SPAG9: variants seen among roughly 807,000 people sequenced by gnomAD.
SPAG9 encodes the protein sperm associated antigen 9.
In SPAG9, 35 loss-of-function variants were observed where a neutral mutation model predicts 166.5. That is an observed-to-expected ratio of 0.21 (90% CI 0.16 to 0.28). SPAG9 has a LOEUF of 0.28. Among genes scored for constraint, SPAG9 ranks in the 10% least tolerant of loss-of-function variants. The probability of loss-of-function intolerance (pLI) is 1.00; values close to 1 mark genes in which losing one functional copy is unlikely to be tolerated. For synonymous variants in SPAG9, 534 were observed against 565.5 expected (o/e 0.94, Z 0.79); for missense variants, 1,235 against 1,603.3 (o/e 0.77, Z 3.92).
At chr17:50,983,622 A>G (rs980618287) in intron 24 of SPAG9, among the ~76,000 whole-genome samples, 1 of 152,198 alleles carries the variant, frequency 6.6e-6, no homozygotes, top group Non-Finnish European at 1.5e-5. Context: ...TTACATTGAC[A>G]CTTACTAAAT....
chr17:51,112,671 C>CAACAAA (rs2049148907), intron 1 of SPAG9, among the ~76,000 whole-genome samples: 1 of 41,400 alleles, frequency 2.4e-5, no homozygotes, highest in South Asian at 1.4e-3. Context: ...TCTGTCTCAA[C>CAACAAA]AAAAAAAAAA....
chr17:51,050,977 G>T (rs2047163906), intron 3 of SPAG9, among the ~76,000 whole-genome samples: 1 of 149,888 alleles, frequency 6.7e-6, no homozygotes, highest in Admixed American at 6.7e-5. Context: ...ACGAAGGGAG[G>T]GAGGAAAGGG....
chr17:51,072,875 C>T (rs969130461), intron 2 of SPAG9, among the ~76,000 whole-genome samples: 1 of 152,114 alleles, frequency 6.6e-6, no homozygotes, highest in Non-Finnish European at 1.5e-5. Flanking sequence ...AAGATTACTT[C>T]CTACATCACC....
intron 1 of SPAG9, among the ~76,000 whole-genome samples, chr17:51,091,359 G>C (rs1382918462): frequency 7.9e-5 from 12 of 151,790 alleles, no homozygotes; most frequent in African/African-American, 2.9e-4. Context: ...TTGCTTGCCA[G>C]TGGCATGACT....
At chr17:51,001,866 CAT>C (rs1567984206) in intron 12 of SPAG9, 21 bp from the exon 13 acceptor site, 1 of 1,606,092 alleles carries the variant, frequency 6.2e-7, no homozygotes, top group Non-Finnish European at 8.5e-7. Flanking sequence ...AAGAAAATGA[CAT>C]ATCATTCTGG....
At chr17:51,092,159 A>G (rs1450142856) in intron 1 of SPAG9, among the ~76,000 whole-genome samples, 1 of 152,074 alleles carries the variant, frequency 6.6e-6, no homozygotes, top group African/African-American at 2.4e-5. Context: ...AAGATATTAT[A>G]TTAATTAGTT....
At chr17:51,105,219 G>A (rs374904904) in intron 1 of SPAG9, among the ~76,000 whole-genome samples, 87 of 152,290 alleles carry the variant, frequency 5.7e-4, no homozygotes, top group African/African-American at 2.0e-3. Context: ...TAGAAAGAAA[G>A]CCCAGGAGCA....
intron 2 of SPAG9, among the ~76,000 whole-genome samples, chr17:51,067,262 C>T (rs907111216): frequency 3.3e-5 from 5 of 152,088 alleles, no homozygotes; most frequent in African/African-American, 1.2e-4. Flanking sequence ...TTACTCAAGG[C>T]CTAAGTCCCA....
rs891333429 is a variant in SPAG9 at position 51,120,746 on chromosome 17, C to G, written c.-90G>C. 11 of 1,220,046 alleles carry G rather than the reference C, an allele frequency of 9.0e-6. No individual in the cohort carries two copies. The Admixed American group carries it at 2.7e-4, about 30-fold the overall frequency. The allele number at this position is 1,220,046 out of a possible 1,614,324, so 75.6% of individuals were successfully genotyped here. On this transcript the variant is annotated 5_prime_UTR_variant, in exon 1 of 30. Transcript: ENST00000262013. This position sits in a 1 kb window ranked among gnomAD's most constrained non-coding sequence, Gnocchi z 4.7. ...GGGACGGACCCGACTCGGGCTGGGA[C>G]GGGTACTAGGGCTGGAGCCCGGGCC...
At chr17:51,019,428 G>A (rs2045842516) in intron 8 of SPAG9, among the ~76,000 whole-genome samples, 1 of 151,888 alleles carries the variant, frequency 6.6e-6, no homozygotes, top group Non-Finnish European at 1.5e-5. Context: ...ATGGTGGTGG[G>A]TGCCTGTAAT....
chr17:51,112,370 C>CAAA lies in SPAG9; in HGVS notation c.303+7981_303+7983dup, dbSNP rs767699831. ...GCAACACAGTGTGACCCCATCTCTA[C>CAAA]AAAAAAAAAAAAAAAAAAAAGGCCA... On this transcript the variant is annotated intron_variant, in intron 1 of 29. Coordinates refer to ENST00000262013, the MANE Select transcript of SPAG9 (RefSeq NM_001130528.3). Among the ~76,000 whole-genome samples the CAAA allele has an allele frequency of 1.2e-3, 45 of 38,550 alleles. 1 individual carries two copies. The highest frequency in any genetic ancestry group is 4.9e-3 in the East Asian group (7 of 1,438). The allele number at this position is 38,550 out of a possible 152,430, so 25.3% of individuals were successfully genotyped here.
chr17:50,988,145 G>C (rs1975219009), intron 21 of SPAG9, among the ~76,000 whole-genome samples: 2 of 152,216 alleles, frequency 1.3e-5, no homozygotes, highest in South Asian at 4.1e-4. Flanking sequence ...GAACCTGGAA[G>C]GCGGAGGTTG....
rs1729066465 is a variant in SPAG9, at chr17:51,120,718, C to A, written c.-62G>T. ...CCGGCAGAGGGGCGGCACCTGCCCG[C>A]ACGGGACGGACCCGACTCGGGCTGG... On this transcript the variant is annotated 5_prime_UTR_variant, in exon 1 of 30. Coordinates refer to ENST00000262013, the MANE Select transcript of SPAG9 (RefSeq NM_001130528.3). This position sits in a 1 kb window ranked among gnomAD's most constrained non-coding sequence, Gnocchi z 4.7. 2.1e-6 allele frequency: 3 copies of A among 1,432,768 alleles called. No homozygotes were observed. The allele number at this position is 1,432,768 out of a possible 1,614,324, so 88.8% of individuals were successfully genotyped here. A position where few individuals can be genotyped will look rare whatever the true frequency, so the allele number is the denominator to read the frequency against.
chr17:51,019,273 A>G (rs2318384), intron 8 of SPAG9, among the ~76,000 whole-genome samples: 10,796 of 152,186 alleles, frequency 0.071, 410 homozygotes, highest in Non-Finnish European at 0.089. Context: ...TTCTTTATAA[A>G]TTGGCCAGGT....
rs561853317 is a variant in SPAG9, at chr17:51,058,106, C to T, written c.425-1624G>A. ...GAATCATTATTTTCTTGATAATGTG[C>T]AACAAAAACAAAAATTGGATGCTGA... On this transcript the variant is annotated intron_variant, in intron 2 of 29. Transcript: ENST00000262013. Among the ~76,000 whole-genome samples the T allele has an allele frequency of 2.0e-5, 3 of 152,218 alleles. No homozygotes were observed. The South Asian group carries it at 6.2e-4, about 32-fold the overall frequency.
intron 1 of SPAG9, among the ~76,000 whole-genome samples, chr17:51,095,745 GAT>G (rs903026168): frequency 1.2e-4 from 17 of 145,922 alleles, no homozygotes; most frequent in South Asian, 4.3e-4. Context: ...TACATATAGT[GAT>G]ATATATATAG....
chr17:50,963,226 A>C lies in SPAG9; in HGVS notation c.*3046T>G, dbSNP rs1304170608. 2.0e-5 allele frequency: 3 copies of C among 152,212 alleles called. No homozygotes were observed. The highest frequency in any genetic ancestry group is 4.4e-5 in the Non-Finnish European group (3 of 68,028). 9.4% of individuals were successfully genotyped at this position (152,212 alleles called of 1,614,324 possible). A position where few individuals can be genotyped will look rare whatever the true frequency, so the allele number is the denominator to read the frequency against. ...CAATAGGGGTACACTTTTTTTGTAC[A>C]GTGAGATCAACCCAAAGTACGCAAG... On this transcript the variant is annotated 3_prime_UTR_variant, in exon 30 of 30. Transcript: ENST00000262013.
At chr17:51,076,993 TCTAG>T (rs1206508700) in intron 2 of SPAG9, among the ~76,000 whole-genome samples, 6 of 85,864 alleles carry the variant, frequency 7.0e-5, no homozygotes, top group African/African-American at 2.8e-4. Context: ...TATCTAGCTA[TCTAG>T]CTATCTAGCT....
chr17:51,021,979 C>G (rs2045956195), intron 6 of SPAG9, among the ~76,000 whole-genome samples: 1 of 151,880 alleles, frequency 6.6e-6, no homozygotes, highest in Non-Finnish European at 1.5e-5. Flanking sequence ...AAAAAGTAGC[C>G]AGGCATGGTG....
Sources: allele counts gnomAD v4.1 joint callset (sites outside exome capture counted in the v4.1 genomes callset), GRCh38; gene constraint gnomAD v4.1.1; non-coding constraint Gnocchi (gnomAD v3.1); transcripts MANE v1.5; gene names NCBI Gene and HGNC (gene_info 2026-07-23, HGNC 2026-07-21).